Variants in ZFAND3 observed in about 807,000 individuals in gnomAD.
ZFAND3 encodes the protein zinc finger AN1-type containing 3.
ZFAND3 carries 10 observed loss-of-function variants against 29.6 expected under a neutral mutation model. The ratio of observed to expected loss-of-function variants is 0.34; its 90% CI spans 0.21 to 0.57. The LOEUF (loss-of-function observed/expected upper bound fraction) is 0.57. ZFAND3 is among the 20% of genes least tolerant of loss of function. ZFAND3 has a pLI of 0.86. For synonymous variants in ZFAND3, 128 were observed against 112.6 expected (o/e 1.14, Z -0.87); for missense variants, 230 against 304.5 (o/e 0.76, Z 1.82).
At chr6:38,040,973 C>G (rs1022935678) in intron 2 of ZFAND3, among the ~76,000 whole-genome samples, 8 of 152,336 alleles carry the variant, frequency 5.3e-5, no homozygotes, top group Middle Eastern at 3.4e-3. Context: ...GCCCCTCCCC[C>G]TGCCATCAAG....
At chr6:37,967,572 A>G (rs373484925) in intron 2 of ZFAND3, among the ~76,000 whole-genome samples, 38 of 152,304 alleles carry the variant, frequency 2.5e-4, no homozygotes, top group African/African-American at 8.9e-4. Context: ...ACATTTACCT[A>G]TATTTTCTAT....
At chr6:38,112,150 T>C (rs1364842320) in intron 4 of ZFAND3, among the ~76,000 whole-genome samples, 1 of 152,254 alleles carries the variant, frequency 6.6e-6, no homozygotes, top group Non-Finnish European at 1.5e-5. Context: ...TGATGTGATA[T>C]CTTTCTCATT....
intron 5 of ZFAND3, among the ~76,000 whole-genome samples, chr6:38,132,016 T>C (rs1179825229): frequency 1.3e-5 from 2 of 151,936 alleles, no homozygotes; most frequent in African/African-American, 2.4e-5. Flanking sequence ...ATAGAGTGTT[T>C]CCCCCCCACC....
intron 1 of ZFAND3, among the ~76,000 whole-genome samples, chr6:37,896,514 T>TTCTCTTTCTTTC (rs1554153803): frequency 9.2e-6 from 1 of 109,100 alleles, no homozygotes; most frequent in Non-Finnish European, 1.9e-5. Context: ...TTCCTCTTTC[T>TTCTCTTTCTTTC]TTTCTTTCTT....
chr6:37,883,932 C>G lies in ZFAND3; in HGVS notation c.72-46027C>G, dbSNP rs1356456384. On this transcript the variant is annotated intron_variant, in intron 1 of 5. Coordinates refer to ENST00000287218, the MANE Select transcript of ZFAND3 (RefSeq NM_021943.3). ...CAGGAGATTCGCCAGGCCTGGGAAC[C>G]TTTAGCCAGAGTTTCTGAAGGTTAT... Among the ~76,000 whole-genome samples, 2 of 145,256 alleles carry G rather than the reference C, an allele frequency of 1.4e-5. 1 individual carries two copies. Among genetic ancestry groups the G allele is most frequent in the African/African-American group, 5.6e-5 (2 of 35,982 alleles).
At chr6:38,140,318 C>G (rs1765923262) in intron 5 of ZFAND3, among the ~76,000 whole-genome samples, 1 of 152,002 alleles carries the variant, frequency 6.6e-6, no homozygotes, top group African/African-American at 2.4e-5. Context: ...AGGTCCAGCA[C>G]TGAATAATGC....
chr6:37,953,701 C>T (rs1343900159), intron 2 of ZFAND3, among the ~76,000 whole-genome samples: 1 of 152,088 alleles, frequency 6.6e-6, no homozygotes, highest in Non-Finnish European at 1.5e-5. Flanking sequence ...GTCCTCCTTC[C>T]TTGACCCCAC....
intron 2 of ZFAND3, among the ~76,000 whole-genome samples, chr6:37,978,799 G>A (rs960243266): frequency 6.6e-6 from 1 of 152,116 alleles, no homozygotes; most frequent in Non-Finnish European, 1.5e-5. Context: ...TGAGTAGCAG[G>A]GATTACAGGC....
In ZFAND3 at chr6:37,977,328, G is replaced by C. The variant is rs532204603; in HGVS notation, c.112+47329G>C. On this transcript the variant is annotated intron_variant, in intron 2 of 5. Transcript: ENST00000287218. ...TGTATTTATTTATTTTTGAGACTGA[G>C]TCTCGCTCTGTCGCCCAGGCTGGAG... Among the ~76,000 whole-genome samples, 8 of 152,262 alleles carry C rather than the reference G, an allele frequency of 5.3e-5. No homozygotes were observed. The South Asian group carries it at 1.7e-3, about 32-fold the overall frequency.
At chr6:37,884,306 C>G (rs1313692764) in intron 1 of ZFAND3, among the ~76,000 whole-genome samples, 2 of 143,528 alleles carry the variant, frequency 1.4e-5, no homozygotes, top group African/African-American at 2.9e-5. Context: ...CCAGCCTGGC[C>G]AACACAGAGA....
chr6:37,963,440 G>A (rs1213993105), intron 2 of ZFAND3, among the ~76,000 whole-genome samples: 1 of 152,022 alleles, frequency 6.6e-6, no homozygotes, highest in Non-Finnish European at 1.5e-5. Flanking sequence ...AAAAAAGCAA[G>A]AGCAAACCAA....
chr6:38,137,639 G>GGA (rs1765867514), intron 5 of ZFAND3, among the ~76,000 whole-genome samples: 1 of 152,278 alleles, frequency 6.6e-6, no homozygotes, highest in African/African-American at 2.4e-5. Flanking sequence ...GATGGGAGCA[G>GGA]GAGATATGAT....
chr6:37,827,449 C>T (rs1262910908), intron 1 of ZFAND3, among the ~76,000 whole-genome samples: 2 of 152,152 alleles, frequency 1.3e-5, no homozygotes, highest in African/African-American at 4.8e-5. Context: ...GCTTTTATGA[C>T]TTTTGTGGAG....
At chr6:37,911,424 A>G (rs139308400) in intron 1 of ZFAND3, among the ~76,000 whole-genome samples, 4 of 152,286 alleles carry the variant, frequency 2.6e-5, no homozygotes, top group South Asian at 2.1e-4. Context: ...AGCTCCTTGT[A>G]TATTTTAGAT....
chr6:37,985,499 C>A (rs896108423), intron 2 of ZFAND3, among the ~76,000 whole-genome samples: 1 of 141,596 alleles, frequency 7.1e-6, no homozygotes, highest in Non-Finnish European at 1.5e-5. Flanking sequence ...GCTTGTGGTT[C>A]CACACACACA....
rs58837762 is a variant in ZFAND3 at position 37,933,883 on chromosome 6, A to ATTT, written c.112+3903_112+3905dup. ...ACTGTTTAAAGGATCTCTCTCTCTC[A>ATTT]TTTTTTTTTTTTTTTTTTTTTGAGA... On this transcript the variant is annotated intron_variant, in intron 2 of 5. Coordinates refer to ENST00000287218, the MANE Select transcript of ZFAND3 (RefSeq NM_021943.3). 1.7e-3 allele frequency among the ~76,000 whole-genome samples: 200 copies of ATTT among 116,474 alleles called. 2 individuals carry two copies. Among genetic ancestry groups the ATTT allele is most frequent in the Admixed American group, 2.0e-3 (21 of 10,250 alleles). The allele number at this position is 116,474 out of a possible 152,430, so 76.4% of individuals were successfully genotyped here. A position where few individuals can be genotyped will look rare whatever the true frequency, so the allele number is the denominator to read the frequency against.
At chr6:38,060,901 A>G (rs1764224508) in intron 2 of ZFAND3, among the ~76,000 whole-genome samples, 1 of 152,178 alleles carries the variant, frequency 6.6e-6, no homozygotes, top group African/African-American at 2.4e-5. Context: ...GTATATGGAA[A>G]GTAGGCCTTC....
At chr6:38,013,526 GCACA>G (rs1320584201) in intron 2 of ZFAND3, among the ~76,000 whole-genome samples, 1 of 152,152 alleles carries the variant, frequency 6.6e-6, no homozygotes, top group Non-Finnish European at 1.5e-5. Context: ...CACATAGAAA[GCACA>G]CAGTATTTGC....
chr6:38,058,858 G>A (rs755953470), intron 2 of ZFAND3, among the ~76,000 whole-genome samples: 1 of 152,058 alleles, frequency 6.6e-6, no homozygotes, highest in South Asian at 2.1e-4. Flanking sequence ...ACATAAATAC[G>A]TTATACACAT....
Sources: gnomAD v4.1 joint callset for allele counts (sites outside exome capture counted in the v4.1 genomes callset) on GRCh38, gnomAD v4.1.1 for gene constraint, MANE v1.5 for transcripts, NCBI Gene and HGNC (gene_info 2026-07-23, HGNC 2026-07-21) for gene names.